PGM1: variants seen among roughly 807,000 people sequenced by gnomAD.
PGM1 encodes the protein phosphoglucomutase-1.
A neutral mutation model predicts 55.6 loss-of-function variants in PGM1; 52 were observed. The observed-to-expected ratio is 0.94, with a 90% CI of 0.75 to 1.18. PGM1 has a LOEUF of 1.18. Among genes scored for constraint, PGM1 ranks in the 50% most tolerant of loss-of-function variants. PGM1 has a pLI of 0.00. For synonymous variants in PGM1, 287 were observed against 271.7 expected, an observed-to-expected ratio of 1.06 and a Z score of -0.55; for missense variants, 724 against 729.3, an observed-to-expected ratio of 0.99 and a Z score of 0.08.
chr1:63,617,314 T>C (rs546549252), intron 1 of PGM1, among the ~76,000 whole-genome samples: 21 of 152,122 alleles, frequency 1.4e-4, no homozygotes, highest in Admixed American at 3.9e-4. Context: ...TGTAAAGAGA[T>C]GTAAGCAGCT....
At chr1:63,597,378 C>T (rs1442211934) in intron 1 of PGM1, among the ~76,000 whole-genome samples, 1 of 152,118 alleles carries the variant, frequency 6.6e-6, no homozygotes, top group Non-Finnish European at 1.5e-5. Context: ...ACCTGAAGAG[C>T]CTGTTGTGAG....
chr1:63,630,177 T>C (rs988599707), intron 3 of PGM1, 89 bp downstream of exon 3: 10 of 1,284,576 alleles, frequency 7.8e-6, no homozygotes, highest in Non-Finnish European at 1.1e-5. Context: ...GTCTTCAGCT[T>C]TGGAAAGATT....
intron 1 of PGM1, among the ~76,000 whole-genome samples, chr1:63,612,629 C>T (rs1307963058): frequency 1.3e-5 from 2 of 152,166 alleles, no homozygotes; most frequent in Non-Finnish European, 1.5e-5. Context: ...GAAGACCCCT[C>T]CTTCATCACT....
chr1:63,651,807 C>T lies in PGM1; in HGVS notation c.1419C>T (p.Asn473=). 1 of 1,614,042 alleles carries T rather than the reference C, an allele frequency of 6.2e-7. No homozygotes were observed. Among genetic ancestry groups the T allele is most frequent in the Non-Finnish European group, 8.5e-7 (1 of 1,179,958 alleles). ...DKVYTVEKAD[N]FEYSDPVDGS... is the part of the protein sequence containing the mutation. Reference sequence around the variant, plus strand: ...TTTACACTGTGGAGAAGGCCGATAACTTTGAATACAGCGACCCAGTGGATG... The same window carrying T: ...TTTACACTGTGGAGAAGGCCGATAATTTTGAATACAGCGACCCAGTGGATG... Residue 473 remains asparagine (N), a synonymous_variant, in exon 9 of 11, where the codon AAC becomes AAT. Transcript: ENST00000371084.
At chr1:63,594,563 C>A (rs566168353) in intron 1 of PGM1, among the ~76,000 whole-genome samples, 3 of 151,966 alleles carry the variant, frequency 2.0e-5, no homozygotes, top group African/African-American at 7.2e-5. Context: ...CCGCCCCCGG[C>A]CAAGGAAAGT....
intron 7 of PGM1, among the ~76,000 whole-genome samples, chr1:63,646,534 A>G (rs1649649539): frequency 6.6e-6 from 1 of 152,126 alleles, no homozygotes; most frequent in Non-Finnish European, 1.5e-5. Context: ...GTTAAAGAAC[A>G]GTGTCTTGGA....
chr1:63,645,463 C>T (rs2100995889), intron 7 of PGM1, among the ~76,000 whole-genome samples: 1 of 152,292 alleles, frequency 6.6e-6, no homozygotes, highest in Middle Eastern at 3.4e-3. Context: ...TATATGCTGT[C>T]ATGAATTCCC....
intron 1 of PGM1, chr1:63,593,999 A>C (rs2100948505): frequency 8.7e-7 from 1 of 1,150,632 alleles, no homozygotes; most frequent in Middle Eastern, 3.6e-4. Context: ...GGAGCCTCCC[A>C]AGGTCACGCC....
chr1:63,593,579 A>C lies in PGM1; in HGVS notation c.91A>C (p.Ser31Arg). ...GCGGAAGCGGGTGAAGGTGTTCCAG[A>C]GCAGCGCCAACTACGCGGAGAACTT... is the stretch of plus-strand genomic sequence containing the variant. ...GLRKRVKVFQ[S>R]SANYAENFIQ... The change falls in exon 1 of 11, where the codon AGC becomes CGC. Residue 31 changes from serine to arginine, a missense_variant. Coordinates refer to ENST00000371084, the MANE Select transcript of PGM1 (RefSeq NM_002633.3). The C allele has an allele frequency of 1.2e-6, 2 of 1,613,782 alleles. No individual in the cohort carries two copies. Among genetic ancestry groups the C allele is most frequent in the Non-Finnish European group, 1.7e-6 (2 of 1,179,914 alleles).
Position 63,648,569 on chromosome 1 carries a change from C to T in PGM1, c.1197C>T (p.Leu399=), listed in dbSNP as rs1649717094. ...KDGLWAVLAW[L]SILATRKQSV... is the part of the protein sequence containing the mutation. ...GACTGTGGGCTGTCCTTGCCTGGCTCTCCATCCTAGCCACCCGCAAGCAGA... is the reference window on the plus strand; with the variant it reads ...GACTGTGGGCTGTCCTTGCCTGGCTTTCCATCCTAGCCACCCGCAAGCAGA... Residue 399 remains leucine (L), a synonymous_variant, in exon 8 of 11, where the codon CTC becomes CTT. Coordinates refer to ENST00000371084, the MANE Select transcript of PGM1 (RefSeq NM_002633.3). The T allele has an allele frequency of 6.2e-7, 1 of 1,614,128 alleles. No homozygotes were observed. Among genetic ancestry groups the T allele is most frequent in the Non-Finnish European group, 8.5e-7 (1 of 1,179,974 alleles).
At chr1:63,600,978 CTTTTCAT>C (rs1169824671) in intron 1 of PGM1, among the ~76,000 whole-genome samples, 2 of 151,906 alleles carry the variant, frequency 1.3e-5, no homozygotes, top group African/African-American at 2.4e-5. Flanking sequence ...GTAGGGAAAA[CTTTTCAT>C]CTACCCTCCT....
intron 1 of PGM1, among the ~76,000 whole-genome samples, chr1:63,610,784 G>T (rs1648543675): frequency 6.6e-6 from 1 of 152,144 alleles, no homozygotes; most frequent in Admixed American, 6.5e-5. Flanking sequence ...GGGGGAGGGA[G>T]AACTGTTCTG....
intron 1 of PGM1, among the ~76,000 whole-genome samples, chr1:63,608,757 T>C (rs1045513653): frequency 2.0e-5 from 3 of 152,222 alleles, no homozygotes; most frequent in Admixed American, 2.0e-4. Context: ...CTCTCTGGGC[T>C]GGGCCACACA....
chr1:63,659,871 T>C lies in PGM1; in HGVS notation c.*196T>C. 1.5e-6 allele frequency: 1 copy of C among 649,112 alleles called. No homozygotes were observed. Among genetic ancestry groups the C allele is most frequent in the South Asian group, 1.7e-5 (1 of 58,724 alleles). The allele number at this position is 649,112 out of a possible 1,614,324, so 40.2% of individuals were successfully genotyped here. On this transcript the variant is annotated 3_prime_UTR_variant, in exon 11 of 11. Coordinates refer to ENST00000371084, the MANE Select transcript of PGM1 (RefSeq NM_002633.3). Reference sequence around the variant, plus strand: ...TGGGAGCTGTGAGGGAAAGAGGACCTGCGGGCTTAGATCAATCTCAATTCC... The same window carrying C: ...TGGGAGCTGTGAGGGAAAGAGGACCCGCGGGCTTAGATCAATCTCAATTCC...
At position 63,603,465 on chromosome 1, in the gene PGM1, A is replaced by G. The variant is rs181347174; in HGVS notation, c.246+9731A>G. Among the ~76,000 whole-genome samples, 210 of 152,340 alleles carry G rather than the reference A, an allele frequency of 1.4e-3. 3 individuals are homozygous for G. Among genetic ancestry groups the G allele is most frequent in the Admixed American group, 0.011 (174 of 15,312 alleles). On this transcript the variant is annotated intron_variant, in intron 1 of 10. Coordinates refer to ENST00000371084, the MANE Select transcript of PGM1 (RefSeq NM_002633.3). ...ATTAAAACCAGTTTCTGGAATCACAATGTAAAACAAGAGGCAAAATCCACC... is the reference window on the plus strand; with the variant it reads ...ATTAAAACCAGTTTCTGGAATCACAGTGTAAAACAAGAGGCAAAATCCACC...
chr1:63,647,295 T>TGC (rs1238891378), intron 7 of PGM1, among the ~76,000 whole-genome samples: 1 of 77,782 alleles, frequency 1.3e-5, no homozygotes, highest in Non-Finnish European at 2.6e-5. Context: ...TATATATATA[T>TGC]ATATATATAT....
intron 9 of PGM1, among the ~76,000 whole-genome samples, chr1:63,653,327 T>G (rs145594964): frequency 5.9e-5 from 9 of 152,296 alleles, no homozygotes; most frequent in African/African-American, 2.2e-4. Context: ...AACCCTGGTG[T>G]GTTCCTAGAA....
At chr1:63,598,459 TG>T in intron 1 of PGM1, among the ~76,000 whole-genome samples, 1 of 152,138 alleles carries the variant, frequency 6.6e-6, no homozygotes, top group East Asian at 1.9e-4. Context: ...AAAGTAGTGG[TG>T]AGTATAAATG....
chr1:63,623,342 A>G, intron 1 of PGM1: 1 of 1,510,520 alleles, frequency 6.6e-7, no homozygotes, highest in Non-Finnish European at 8.8e-7. Context: ...CGTCCATGCA[A>G]ACCCTCTATT....
Sources: gnomAD v4.1 joint callset for allele counts (sites outside exome capture counted in the v4.1 genomes callset) on GRCh38, gnomAD v4.1.1 for gene constraint, MANE v1.5 for transcripts, NCBI Gene and HGNC (gene_info 2026-07-23, HGNC 2026-07-21) for gene names.